PCDHGA10: variants seen among roughly 807,000 people sequenced by gnomAD.
The protein encoded by PCDHGA10 is protocadherin gamma subfamily A, 10, also known as protocadherin gamma-A10.
A neutral mutation model predicts 59.5 loss-of-function variants in PCDHGA10; 42 were observed. The ratio of observed to expected loss-of-function variants is 0.71; its 90% CI spans 0.55 to 0.91. The LOEUF (loss-of-function observed/expected upper bound fraction) is 0.91. PCDHGA10 is among the 40% of genes least tolerant of loss of function. PCDHGA10 has a pLI of 0.00. For synonymous variants in PCDHGA10, 511 were observed against 517.2 expected (o/e 0.99, Z 0.16); for missense variants, 1,111 against 1,198.2 (o/e 0.93, Z 1.07).
chr5:141,473,299 G>T (rs182316672), intron 1 of PCDHGA10, among the ~76,000 whole-genome samples: 5 of 152,228 alleles, frequency 3.3e-5, no homozygotes, highest in Admixed American at 1.3e-4. Flanking sequence ...GTAGCATAAA[G>T]ATTGCTATAT....
At chr5:141,421,444 A>T in intron 1 of PCDHGA10, 1 of 1,614,020 alleles carries the variant, frequency 6.2e-7, no homozygotes, top group Non-Finnish European at 8.5e-7. Flanking sequence ...CAGAGGGAAG[A>T]CACAGCTTTT....
intron 1 of PCDHGA10, among the ~76,000 whole-genome samples, chr5:141,458,336 GA>G (rs762646440): frequency 1.3e-5 from 2 of 152,118 alleles, no homozygotes; most frequent in Non-Finnish European, 2.9e-5. Context: ...TGGTTTTAAG[GA>G]GTGGAGAGTT....
chr5:141,493,289 C>T lies in PCDHGA10; in HGVS notation c.2437-1518C>T, dbSNP rs925045650. 2.6e-5 allele frequency among the ~76,000 whole-genome samples: 4 copies of T among 152,176 alleles called. No individual in the cohort carries two copies. Among genetic ancestry groups the T allele is most frequent in the Non-Finnish European group, 5.9e-5 (4 of 68,030 alleles). On this transcript the variant is annotated intron_variant, in intron 1 of 3. Coordinates refer to ENST00000398610, the MANE Select transcript of PCDHGA10 (RefSeq NM_018913.3). The surrounding 1 kb of genome is among the most constrained non-coding windows in gnomAD (Gnocchi z 4.3). ...CTTCACAGAGGTCAAGTGACTTGCT[C>T]AAGTTCACAGAGCAAGTAAGAGAGA...
chr5:141,460,592 G>C (rs796171299), intron 1 of PCDHGA10, among the ~76,000 whole-genome samples: 12 of 151,976 alleles, frequency 7.9e-5, no homozygotes, highest in African/African-American at 2.9e-4. Flanking sequence ...GTTTTTTCTG[G>C]GCTCTCTGTG....
At chr5:141,501,866 C>T (rs1193396289) in intron 2 of PCDHGA10, among the ~76,000 whole-genome samples, 4 of 152,108 alleles carry the variant, frequency 2.6e-5, no homozygotes, top group South Asian at 2.1e-4. Context: ...TTTCCCAGGA[C>T]GCCTCCTTAC....
At chr5:141,500,991 C>T (rs2099804636) in intron 2 of PCDHGA10, among the ~76,000 whole-genome samples, 1 of 152,024 alleles carries the variant, frequency 6.6e-6, no homozygotes, top group South Asian at 2.1e-4. Flanking sequence ...GCCTCAGCCT[C>T]CTGAGTAGCT....
chr5:141,491,795 C>G lies in PCDHGA10; in HGVS notation c.2437-3012C>G. The G allele has an allele frequency of 6.6e-7, 1 of 1,511,694 alleles. No individual in the cohort carries two copies. The highest frequency in any genetic ancestry group is 8.8e-7 in the Non-Finnish European group (1 of 1,130,430). The allele number at this position is 1,511,694 out of a possible 1,614,324, so 93.6% of individuals were successfully genotyped here. On this transcript the variant is annotated intron_variant, in intron 1 of 3. Transcript: ENST00000398610. The surrounding 1 kb of genome is among the most constrained non-coding windows in gnomAD (Gnocchi z 6.9). ...GGATTGAACTTGCATCCACTCCTCT[C>G]CGGCCGGCTTGGTCGCTGGCTGCGC...
At chr5:141,426,033 C>G (rs978171140) in intron 1 of PCDHGA10, among the ~76,000 whole-genome samples, 14 of 152,162 alleles carry the variant, frequency 9.2e-5, no homozygotes, top group African/African-American at 3.1e-4. Context: ...AGACTCAGAG[C>G]CCTGCTGTTG....
In PCDHGA10 at chr5:141,476,606, G is replaced by A; in HGVS notation, c.2437-18201G>A. 1 of 1,614,244 alleles carries A rather than the reference G, an allele frequency of 6.2e-7. No homozygotes were observed. Among genetic ancestry groups the A allele is most frequent in the Non-Finnish European group, 8.5e-7 (1 of 1,180,046 alleles). Reference sequence around the variant, plus strand: ...GCTCGAGAGCGCGCACGATCCCGATGTGGGAAGCAACTCTTTACAAACCTA... The same window carrying A: ...GCTCGAGAGCGCGCACGATCCCGATATGGGAAGCAACTCTTTACAAACCTA... On this transcript the variant is annotated intron_variant, in intron 1 of 3. Transcript: ENST00000398610. The surrounding 1 kb of genome is among the most constrained non-coding windows in gnomAD (Gnocchi z 7.6).
chr5:141,465,786 T>G (rs1236517595), intron 1 of PCDHGA10, among the ~76,000 whole-genome samples: 1 of 152,136 alleles, frequency 6.6e-6, no homozygotes, highest in Non-Finnish European at 1.5e-5. Flanking sequence ...ACAGTTTTTT[T>G]TTTTTTAAGA....
chr5:141,449,498 A>G (rs1190732747), intron 1 of PCDHGA10, among the ~76,000 whole-genome samples: 7 of 150,506 alleles, frequency 4.7e-5, no homozygotes, highest in Non-Finnish European at 8.9e-5. Flanking sequence ...GTGAGGCATG[A>G]GAAATGCTTG....
intron 1 of PCDHGA10, chr5:141,423,466 G>C (rs770939556): frequency 1.2e-6 from 2 of 1,613,904 alleles, no homozygotes; most frequent in Admixed American, 3.3e-5. Context: ...CGTGGACGGG[G>C]TACAGGCTTT....
chr5:141,490,960 T>C lies in PCDHGA10; in HGVS notation c.2437-3847T>C. 1.9e-6 allele frequency: 3 copies of C among 1,613,794 alleles called. No homozygotes were observed. The highest frequency in any genetic ancestry group is 2.2e-5 in the South Asian group (2 of 91,030). On this transcript the variant is annotated intron_variant, in intron 1 of 3. Transcript: ENST00000398610. The surrounding 1 kb of genome is among the most constrained non-coding windows in gnomAD (Gnocchi z 5.4). ...GCACCCACGGCCAGACTGGGAACACTCAGCCCCCCAGCGTCTCCCTCGCTC... is the reference window on the plus strand; with the variant it reads ...GCACCCACGGCCAGACTGGGAACACCCAGCCCCCCAGCGTCTCCCTCGCTC...
intron 1 of PCDHGA10, among the ~76,000 whole-genome samples, chr5:141,463,573 C>T (rs1331124291): frequency 6.6e-6 from 1 of 151,436 alleles, no homozygotes; most frequent in East Asian, 1.9e-4. Flanking sequence ...CTCAGCCTCC[C>T]GAGTAGCTGG....
chr5:141,417,141 C>T (rs1455831459), intron 1 of PCDHGA10: 1 of 152,018 alleles, frequency 6.6e-6, no homozygotes, highest in Non-Finnish European at 1.5e-5. Context: ...ATGACTAGGG[C>T]AATGGTTGCA....
Position 141,415,538 on chromosome 5 carries a change from G to A in PCDHGA10, c.2363G>A (p.Ser788Asn). Reference sequence around the variant, plus strand: ...GCGGACACGCTCATCAGCCAGGAGAGCTGTGAGAAAAACGATCCTTTGTCT... The same window carrying A: ...GCGGACACGCTCATCAGCCAGGAGAACTGTGAGAAAAACGATCCTTTGTCT... Reference protein sequence around the residue: ...NYADTLISQESCEKNDPLSLL... With the variant: ...NYADTLISQENCEKNDPLSLL... The change falls in exon 1 of 4, where the codon AGC becomes AAC. Residue 788 changes from serine (S) to asparagine (N), a missense_variant. Physicochemically the swap from Ser to Asn is conservative, Grantham distance 46 (BLOSUM62 1). Transcript: ENST00000398610. 1 of 1,614,182 alleles carries A rather than the reference G, an allele frequency of 6.2e-7. No individual in the cohort carries two copies. The highest frequency in any genetic ancestry group is 8.5e-7 in the Non-Finnish European group (1 of 1,180,046).
At position 141,431,869 on chromosome 5, in the gene PCDHGA10, T is replaced by C. The variant is rs140856757; in HGVS notation, c.2436+16258T>C. ...GAGGGACATTAATTGCCCTTTTAAA[T>C]GTAAATGACCAAGATTCTGAGGAAA... is the stretch of plus-strand genomic sequence containing the variant. On this transcript the variant is annotated intron_variant, in intron 1 of 3. Transcript: ENST00000398610. The surrounding 1 kb of genome is among the most constrained non-coding windows in gnomAD (Gnocchi z 4.8). 8.5e-4 allele frequency: 1,376 copies of C among 1,614,252 alleles called. 2 individuals carry two copies. Among genetic ancestry groups the C allele is most frequent in the Non-Finnish European group, 1.1e-3 (1,291 of 1,180,028 alleles).
intron 1 of PCDHGA10, among the ~76,000 whole-genome samples, chr5:141,449,708 A>G (rs2098652470): frequency 6.6e-6 from 1 of 151,418 alleles, no homozygotes; most frequent in African/African-American, 2.4e-5. Context: ...CAAACACATT[A>G]TTTTTATATG....
intron 1 of PCDHGA10, among the ~76,000 whole-genome samples, chr5:141,482,771 A>ACCTAAAATCTCAAACAC (rs1168136626): frequency 4.9e-5 from 7 of 141,414 alleles, no homozygotes; most frequent in African/African-American, 8.5e-5. Flanking sequence ...ATTATCACTG[A>ACCTAAAATCTCAAACAC]ACCTTAAACT....
Sources: allele counts gnomAD v4.1 joint callset (sites outside exome capture counted in the v4.1 genomes callset), GRCh38; gene constraint gnomAD v4.1.1; non-coding constraint Gnocchi (gnomAD v3.1); transcripts MANE v1.5; gene names NCBI Gene and HGNC (gene_info 2026-07-23, HGNC 2026-07-21).